Variants in NLRP4 observed in about 807,000 individuals in gnomAD.
NLRP4 encodes the protein NACHT, LRR and PYD domains-containing protein 4.
NLRP4 carries 44 observed loss-of-function variants against 84.7 expected under a neutral mutation model. The observed-to-expected ratio is 0.52, with a 90% CI of 0.41 to 0.67. The LOEUF is 0.67. Among genes scored for constraint, NLRP4 ranks in the 30% least tolerant of loss-of-function variants. NLRP4 has a pLI of 0.00. For missense variants in NLRP4, 1,260 were observed against 1,219.4 expected, an observed-to-expected ratio of 1.03 and a Z score of -0.50; for synonymous variants, 544 against 476.4, an observed-to-expected ratio of 1.14 and a Z score of -1.85.
At chr19:55,873,143 T>C (rs572262410) in intron 7 of NLRP4, among the ~76,000 whole-genome samples, 8 of 152,282 alleles carry the variant, frequency 5.3e-5, no homozygotes, top group South Asian at 4.2e-4. Context: ...AAAGTAATTC[T>C]AAAGACTGTT....
Position 55,878,818 on chromosome 19 carries a change from C to G in NLRP4, c.2721C>G (p.Ser907Arg), listed in dbSNP as rs751584894. 1 of 1,612,618 alleles carries G rather than the reference C, an allele frequency of 6.2e-7. No homozygotes were observed. Among genetic ancestry groups the G allele is most frequent in the Non-Finnish European group, 8.5e-7 (1 of 1,179,152 alleles). Residue 907 changes from serine to arginine, a missense_variant, in exon 9 of 10, where the codon AGC (serine) becomes AGG (arginine). Transcript: ENST00000301295. ...GGTTGGAAGAATGTGGGTTAACGAG[C>G]ACCTGCTGTAAGGATCTCGCGTCTG... is the stretch of plus-strand genomic sequence containing the variant. ...ILGLEECGLT[S>R]TCCKDLASVL...
chr19:55,837,904 C>T (rs1427270404), intron 1 of NLRP4, among the ~76,000 whole-genome samples: 3 of 152,054 alleles, frequency 2.0e-5, no homozygotes, highest in African/African-American at 7.2e-5. Flanking sequence ...GGTATGGTGG[C>T]AGGTGCCTGT....
At chr19:55,867,905 G>A in intron 6 of NLRP4, 29 bp downstream of exon 6, 1 of 1,605,012 alleles carries the variant, frequency 6.2e-7, no homozygotes. Context: ...TGCCTACTGT[G>A]GAGGGCCATG....
rs370106467 is a variant in NLRP4, at chr19:55,850,349, C to A, written c.-65-1667C>A. Among the ~76,000 whole-genome samples the A allele has an allele frequency of 3.6e-4, 18 of 49,942 alleles. 1 individual carries two copies. The African/African-American group carries it at 5.0e-3, about 14-fold the overall frequency. The allele number at this position is 49,942 out of a possible 152,430, so 32.8% of individuals were successfully genotyped here. ...AATTTCCGAGGCTGCGGTGTAATTT[C>A]CGAGGCTGCGGTGTAATTTCCGAGG... On this transcript the variant is annotated intron_variant, in intron 1 of 9. Coordinates refer to ENST00000301295, the MANE Select transcript of NLRP4 (RefSeq NM_134444.5).
Position 55,862,169 on chromosome 19 carries a change from C to T in NLRP4, c.2186+10C>T, listed in dbSNP as rs369626999. 17 of 1,599,462 alleles carry T rather than the reference C, an allele frequency of 1.1e-5. No individual in the cohort carries two copies. Among genetic ancestry groups the T allele is most frequent in the South Asian group, 2.2e-5 (2 of 89,758 alleles). ...ACGTCAAAGAGCTAGCGTAAGTCTCCGTTTATTGAGACCACTGATTGGGTT... is the reference window on the plus strand; with the variant it reads ...ACGTCAAAGAGCTAGCGTAAGTCTCTGTTTATTGAGACCACTGATTGGGTT... On this transcript the variant is annotated intron_variant, in intron 5 of 9. Coordinates refer to ENST00000301295, the MANE Select transcript of NLRP4 (RefSeq NM_134444.5).
In NLRP4 at chr19:55,858,419, C is replaced by T. The variant is rs1405854907; in HGVS notation, c.1026C>T (p.Leu342=). Residue 342 remains leucine (L), a synonymous_variant, in exon 3 of 10, where the codon CTC becomes CTT. Coordinates refer to ENST00000301295, the MANE Select transcript of NLRP4 (RefSeq NM_134444.5). The surrounding 1 kb of genome is among the most constrained non-coding windows in gnomAD (Gnocchi z 4.2). ...EQLFSICQIP[L]LCWILCTSLK... ...TGTTTTCCATATGCCAAATCCCGCT[C>T]CTCTGCTGGATCCTGTGTACCAGTC... The T allele has an allele frequency of 1.2e-5, 20 of 1,614,014 alleles. No homozygotes were observed. Among genetic ancestry groups the T allele is most frequent in the Non-Finnish European group, 1.6e-5 (19 of 1,180,028 alleles).
rs906728352 is a variant in NLRP4 at position 55,858,339 on chromosome 19, A to G, written c.946A>G (p.Lys316Glu). 46 of 1,614,058 alleles carry G rather than the reference A, an allele frequency of 2.8e-5. No individual in the cohort carries two copies. Among genetic ancestry groups the G allele is most frequent in the Non-Finnish European group, 3.7e-5 (44 of 1,180,030 alleles). Reference sequence around the variant, plus strand: ...GTTAGTGTATTTCTGCTGTTTCTTCAAAGACCCGAAAAGAGCCATGGAAGC... The same window carrying G: ...GTTAGTGTATTTCTGCTGTTTCTTCGAAGACCCGAAAAGAGCCATGGAAGC... ...DRLVYFCCFF[K>E]DPKRAMEAFN... The change falls in exon 3 of 10, where the codon AAA becomes GAA. Residue 316 changes from lysine (K) to glutamate (E), a missense_variant. Around this residue, in one of 3 missense-constraint regions of NLRP4, gnomAD observed 712 missense variants for 669.2 expected, o/e 1.06. Transcript: ENST00000301295. This position sits in a 1 kb window ranked among gnomAD's most constrained non-coding sequence, Gnocchi z 4.2.
At position 55,852,276 on chromosome 19, in the gene NLRP4, C is replaced by A; in HGVS notation, c.196C>A (p.Gln66Lys). The change falls in exon 2 of 10, where the codon CAA becomes AAA. Residue 66 changes from glutamine (Q) to lysine (K), a missense_variant. Around this residue, in one of 3 missense-constraint regions of NLRP4, gnomAD observed 712 missense variants for 669.2 expected, o/e 1.06. Coordinates refer to ENST00000301295, the MANE Select transcript of NLRP4 (RefSeq NM_134444.5). The part of the protein sequence containing the change: ...ANLLIKHYEE[Q>K]QAWNITLRIF... ...CCTCTTGATCAAGCACTATGAAGAA[C>A]AACAAGCTTGGAACATAACCTTAAG... is the stretch of plus-strand genomic sequence containing the variant. 1 of 1,606,320 alleles carries A rather than the reference C, an allele frequency of 6.2e-7. No homozygotes were observed. Among genetic ancestry groups the A allele is most frequent in the Non-Finnish European group, 8.5e-7 (1 of 1,177,236 alleles).
chr19:55,848,929 C>T (rs1478320934), intron 1 of NLRP4, among the ~76,000 whole-genome samples: 4 of 152,088 alleles, frequency 2.6e-5, no homozygotes, highest in Non-Finnish European at 2.9e-5. Flanking sequence ...AAACCCCTGT[C>T]GTTTGGTCCT....
intron 9 of NLRP4, among the ~76,000 whole-genome samples, chr19:55,879,674 G>A (rs1002768947): frequency 3.9e-5 from 6 of 152,038 alleles, no homozygotes; most frequent in Non-Finnish European, 8.8e-5. Flanking sequence ...CAATCTTCGC[G>A]CTCCCTTATT....
intron 1 of NLRP4, among the ~76,000 whole-genome samples, chr19:55,851,694 GGCTGCGGTGT>G (rs1477420711): frequency 2.8e-5 from 3 of 108,490 alleles, no homozygotes; most frequent in South Asian, 2.8e-4. Context: ...TAATGTCCGA[GGCTGCGGTGT>G]AATGTCCGAG....
In NLRP4 at chr19:55,858,548, C is replaced by G. The variant is rs113444208; in HGVS notation, c.1155C>G (p.Ala385=). The G allele has an allele frequency of 1.2e-6, 2 of 1,614,048 alleles. No individual in the cohort carries two copies. Among genetic ancestry groups the G allele is most frequent in the East Asian group, 2.2e-5 (1 of 44,872 alleles). Residue 385 remains alanine, a synonymous_variant, in exon 3 of 10, where the codon GCC becomes GCG. Coordinates refer to ENST00000301295, the MANE Select transcript of NLRP4 (RefSeq NM_134444.5). This position sits in a 1 kb window ranked among gnomAD's most constrained non-coding sequence, Gnocchi z 4.2. ...TTAACCTGTTCACACCTGAGGGTGC[C>G]GAGGGCCCGACTCCGCAAACCCAGC... ...FVFNLFTPEG[A]EGPTPQTQHQ...
chr19:55,855,982 A>G (rs959307535), intron 2 of NLRP4, among the ~76,000 whole-genome samples: 3 of 152,208 alleles, frequency 2.0e-5, no homozygotes, highest in African/African-American at 7.2e-5. Flanking sequence ...GCTGCTTAAA[A>G]TCAATGACCA....
chr19:55,843,536 C>A (rs1179029536), intron 1 of NLRP4, among the ~76,000 whole-genome samples: 1 of 151,712 alleles, frequency 6.6e-6, no homozygotes, highest in African/African-American at 2.4e-5. Context: ...ACTAAAAATA[C>A]AAAAAATTAG....
At chr19:55,876,536 T>C (rs923890648) in intron 7 of NLRP4, among the ~76,000 whole-genome samples, 3 of 151,826 alleles carry the variant, frequency 2.0e-5, no homozygotes, top group African/African-American at 4.8e-5. Context: ...TTTTTGTGTT[T>C]TTTTTAGTAG....
chr19:55,856,664 C>CGTGT (rs1468492473), intron 2 of NLRP4, among the ~76,000 whole-genome samples: 2 of 151,316 alleles, frequency 1.3e-5, no homozygotes. Context: ...TACAGGCACA[C>CGTGT]ACCACCACGC....
In NLRP4 at chr19:55,851,948, A is replaced by G. The variant is rs1984178614; in HGVS notation, c.-65-68A>G. The stretch of plus-strand genomic sequence containing the variant: ...TTGCCATCCCCCCAGTACTAGCAAG[A>G]TACTATATAATGGTAATCTTGATCC... On this transcript the variant is annotated intron_variant, in intron 1 of 9. Transcript: ENST00000301295. The G allele has an allele frequency of 5.7e-6, 4 of 700,366 alleles. No homozygotes were observed. The African/African-American group carries it at 7.3e-5, about 13-fold the overall frequency. The allele number at this position is 700,366 out of a possible 1,614,324, so 43.4% of individuals were successfully genotyped here.
intron 2 of NLRP4, among the ~76,000 whole-genome samples, chr19:55,853,759 CTT>C (rs1374779714): frequency 2.7e-5 from 4 of 150,798 alleles, no homozygotes; most frequent in African/African-American, 9.9e-5. Flanking sequence ...TTCTCTTTCT[CTT>C]TCTCTCTCTC....
intron 6 of NLRP4, among the ~76,000 whole-genome samples, chr19:55,869,788 A>AAC (rs1985103292): frequency 6.6e-6 from 1 of 151,470 alleles, no homozygotes; most frequent in Non-Finnish European, 1.5e-5. Flanking sequence ...GATCCTTAAA[A>AAC]AAAAAAAATT....
Sources: allele counts gnomAD v4.1 joint callset (sites outside exome capture counted in the v4.1 genomes callset), GRCh38; gene constraint gnomAD v4.1.1; regional missense constraint gnomAD v4.1.1; non-coding constraint Gnocchi (gnomAD v3.1); transcripts MANE v1.5; gene names NCBI Gene and HGNC (gene_info 2026-07-23, HGNC 2026-07-21).